The following ANK2 variants were observed in gnomAD, a reference collection of about 807,000 sequenced individuals.
ANK2 encodes the protein ankyrin 2, also known as ankyrin-2.
A neutral mutation model predicts 360.5 loss-of-function variants in ANK2; 83 were observed. The ratio of observed to expected loss-of-function variants is 0.23; its 90% CI spans 0.19 to 0.28. The LOEUF (loss-of-function observed/expected upper bound fraction) is 0.28, where lower values mean the gene tolerates loss of function less well. Among genes scored for constraint, ANK2 ranks in the 10% least tolerant of loss-of-function variants. The pLI is 1.00. For synonymous variants in ANK2, 1,740 were observed against 1,759.5 expected, an observed-to-expected ratio of 0.99 and a Z score of 0.28; for missense variants, 4,201 against 4,795.7, an observed-to-expected ratio of 0.88 and a Z score of 3.66.
At chr4:113,268,927 G>T (rs2057354633) in intron 14 of ANK2, among the ~76,000 whole-genome samples, 1 of 152,144 alleles carries the variant, frequency 6.6e-6, no homozygotes, top group Non-Finnish European at 1.5e-5. Flanking sequence ...TTTAGAACTT[G>T]TTATTGGTCT....
intron 1 of ANK2, among the ~76,000 whole-genome samples, chr4:113,102,796 C>G (rs971760253): frequency 6.6e-6 from 1 of 152,068 alleles, no homozygotes; most frequent in Non-Finnish European, 1.5e-5. Flanking sequence ...CATACCTAGA[C>G]GGAACTGAAT....
At chr4:112,914,793 C>G (rs1386326395) in intron 2 of ANK2, among the ~76,000 whole-genome samples, 4 of 152,106 alleles carry the variant, frequency 2.6e-5, no homozygotes, top group African/African-American at 9.7e-5. Flanking sequence ...GCCGATCCTA[C>G]CCCTGTTTTT....
the ANK2 span, among the ~76,000 whole-genome samples, chr4:112,753,173 C>T: frequency 3.9e-5 from 6 of 152,334 alleles, no homozygotes; most frequent in South Asian, 2.1e-4. Flanking sequence ...GTGCTTCTCC[C>T]GGACTCGAAG....
At chr4:112,709,145 C>A in the ANK2 span, among the ~76,000 whole-genome samples, 1 of 151,856 alleles carries the variant, frequency 6.6e-6, no homozygotes, top group Non-Finnish European at 1.5e-5. Context: ...CCCTTTTTTT[C>A]TTCTTCTTGT....
chr4:112,947,514 G>GAT (rs1425535278), intron 2 of ANK2, among the ~76,000 whole-genome samples: 2 of 152,000 alleles, frequency 1.3e-5, no homozygotes, highest in Non-Finnish European at 2.9e-5. Flanking sequence ...ATTTAATATA[G>GAT]ATATATATAA....
At chr4:112,806,182 T>G in the ANK2 span, among the ~76,000 whole-genome samples, 1 of 152,180 alleles carries the variant, frequency 6.6e-6, no homozygotes, top group Non-Finnish European at 1.5e-5. Flanking sequence ...TTTGCACCCA[T>G]TAACCATCGC....
intron 8 of ANK2, among the ~76,000 whole-genome samples, chr4:113,241,219 A>G (rs1032777666): frequency 2.3e-4 from 35 of 152,248 alleles, no homozygotes; most frequent in African/African-American, 8.0e-4. Flanking sequence ...CCAATAAAAT[A>G]AATAAATATA....
chr4:112,765,000 C>T, the ANK2 span, among the ~76,000 whole-genome samples: 1 of 152,180 alleles, frequency 6.6e-6, no homozygotes, highest in Non-Finnish European at 1.5e-5. Flanking sequence ...GCCACCGTGC[C>T]CGGCAATGCT....
chr4:113,054,907 G>C (rs1302947987), intron 1 of ANK2, among the ~76,000 whole-genome samples: 1 of 152,034 alleles, frequency 6.6e-6, no homozygotes, highest in Non-Finnish European at 1.5e-5. Flanking sequence ...TCATGTCTTA[G>C]TAATAACTAA....
chr4:113,013,908 A>ATT lies in ANK2; in HGVS notation c.21+109403_21+109404dup, dbSNP rs34483947. Reference sequence around the variant, plus strand: ...CATCTTAGTGGAACTTAAAATCAGCATTTTTTTTTTCTAGTTTTAGGCCCT... The same window carrying ATT: ...CATCTTAGTGGAACTTAAAATCAGCATTTTTTTTTTTTCTAGTTTTAGGCCCT... On this transcript the variant is annotated intron_variant, in intron 2 of 30. Transcript: ENST00000503271. Among the ~76,000 whole-genome samples the ATT allele has an allele frequency of 1.8e-3, 264 of 150,582 alleles. 1 individual carries two copies. Among genetic ancestry groups the ATT allele is most frequent in the Non-Finnish European group, 2.8e-3 (191 of 67,586 alleles).
intron 1 of ANK2, among the ~76,000 whole-genome samples, chr4:113,147,748 G>C (rs375996590): frequency 3.9e-5 from 6 of 152,248 alleles, no homozygotes; most frequent in Non-Finnish European, 5.9e-5. Context: ...CATATGTCAG[G>C]GTTTTCCTCT....
chr4:112,812,093 A>AAAAAAAAAAT, the ANK2 span, among the ~76,000 whole-genome samples: 1 of 151,746 alleles, frequency 6.6e-6, no homozygotes, highest in Non-Finnish European at 1.5e-5. Flanking sequence ...AAAAAAAAAA[A>AAAAAAAAAAT]AAAAGAGCTA....
Position 113,175,789 on chromosome 4 carries a change from T to G in ANK2, c.186+1272T>G, listed in dbSNP as rs534926091. Among the ~76,000 whole-genome samples, 345 of 152,336 alleles carry G rather than the reference T, an allele frequency of 2.3e-3. No homozygotes were observed. In the Middle Eastern group the frequency reaches 0.027, roughly 12 times the overall value. The stretch of plus-strand genomic sequence containing the variant: ...TTTTGCAAAGGGTACAGGATTTCCC[T>G]CCTTCTTCTTCAGAGTCACTGGCAT... On this transcript the variant is annotated intron_variant, in intron 2 of 45. Transcript: ENST00000357077.
chr4:113,082,185 C>T (rs2082666184), intron 1 of ANK2, among the ~76,000 whole-genome samples: 1 of 152,162 alleles, frequency 6.6e-6, no homozygotes, highest in Admixed American at 6.5e-5. Context: ...TACCAAATTA[C>T]ATTTTTAGCT....
At chr4:113,377,995 C>A in intron 45 of ANK2, 1 of 462,640 alleles carries the variant, frequency 2.2e-6, no homozygotes, top group Non-Finnish European at 3.4e-6. Context: ...TCAAGTATAT[C>A]TTTTCATACT....
intron 2 of ANK2, among the ~76,000 whole-genome samples, chr4:113,178,007 C>T (rs1361531084): frequency 1.3e-5 from 2 of 152,074 alleles, no homozygotes; most frequent in Non-Finnish European, 2.9e-5. Context: ...ATATAATTCA[C>T]CAAGAATTAT....
At chr4:113,135,454 G>C (rs1441512077) in intron 1 of ANK2, among the ~76,000 whole-genome samples, 1 of 151,868 alleles carries the variant, frequency 6.6e-6, no homozygotes, top group Non-Finnish European at 1.5e-5. Flanking sequence ...TGGAATGAAA[G>C]GAGCTTTTCA....
intron 1 of ANK2, among the ~76,000 whole-genome samples, chr4:113,167,302 C>CT (rs2097781287): frequency 6.6e-6 from 1 of 150,472 alleles, no homozygotes; most frequent in Non-Finnish European, 1.5e-5. Context: ...ACTAGGGTCA[C>CT]CTTTTTTTTT....
intron 23 of ANK2, among the ~76,000 whole-genome samples, chr4:113,303,141 A>T (rs2075751738): frequency 6.6e-6 from 1 of 152,240 alleles, no homozygotes; most frequent in African/African-American, 2.4e-5. Flanking sequence ...AAATAGCTAT[A>T]TGATAACACA....
Sources: allele counts gnomAD v4.1 joint callset (sites outside exome capture counted in the v4.1 genomes callset), GRCh38; gene constraint gnomAD v4.1.1; transcripts MANE v1.5; gene names NCBI Gene and HGNC (gene_info 2026-07-23, HGNC 2026-07-21).